Variants in NUP107 observed in about 807,000 individuals in gnomAD.
NUP107 encodes nuclear pore complex protein Nup107.
In NUP107, 101 loss-of-function variants were observed where a neutral mutation model predicts 141.0. That is an observed-to-expected ratio of 0.72 (90% CI 0.61 to 0.84). NUP107 has a LOEUF of 0.84. Among genes scored for constraint, NUP107 ranks in the 40% least tolerant of loss-of-function variants. The pLI is 0.00. For synonymous variants in NUP107, 319 were observed against 363.9 expected (o/e 0.88, Z 1.41); for missense variants, 941 against 1,102.7 (o/e 0.85, Z 2.08).
Position 68,722,152 on chromosome 12 carries a change from G to T in NUP107, c.1506G>T (p.Lys502Asn). The stretch of plus-strand genomic sequence containing the variant: ...AGGAACTTCAAGCTACTGACAAAAA[G>T]GTAAATGTTAATAGGAATATGTTAG... ...VFEELQATDK[K>N]RVLEENQEHY... is the part of the protein sequence containing the mutation. Residue 502 changes from lysine to asparagine, a missense_variant and splice_region_variant, in exon 17 of 28, where the codon AAG becomes AAT. Coordinates refer to ENST00000229179, the MANE Select transcript of NUP107 (RefSeq NM_020401.4). The T allele has an allele frequency of 6.2e-7, 1 of 1,612,830 alleles. No individual in the cohort carries two copies. The highest frequency in any genetic ancestry group is 1.1e-5 in the South Asian group (1 of 90,956).
rs202175804 is a variant in NUP107, at chr12:68,689,287, TTTC to T, written c.100+237_100+239del. On this transcript the variant is annotated intron_variant, in intron 2 of 27. Transcript: ENST00000229179. ...GCTGACAGCTTCTGCTGAGATTAGATTTCTTTTTATTATTTGAAAACTGACTAA... is the reference window on the plus strand; with the variant it reads ...GCTGACAGCTTCTGCTGAGATTAGATTTTTTATTATTTGAAAACTGACTAA... Among the ~76,000 whole-genome samples the T allele has an allele frequency of 3.9e-5, 6 of 152,364 alleles. No individual in the cohort carries two copies. In the South Asian group the frequency reaches 1.2e-3, roughly 32 times the overall value.
Position 68,696,976 on chromosome 12 carries a change from A to G in NUP107, c.552+54A>G, listed in dbSNP as rs1036422016. The G allele has an allele frequency of 9.4e-6, 10 of 1,061,818 alleles. No individual in the cohort carries two copies. In the African/African-American group the frequency reaches 1.1e-4, roughly 12 times the overall value. The allele number at this position is 1,061,818 out of a possible 1,614,324, so 65.8% of individuals were successfully genotyped here. A position where few individuals can be genotyped will look rare whatever the true frequency, so the allele number is the denominator to read the frequency against. Reference sequence around the variant, plus strand: ...AAACTTCAGTATTTTTAGTTTTCATAAACAGCATTAACCTAATTTTCATAG... The same window carrying G: ...AAACTTCAGTATTTTTAGTTTTCATGAACAGCATTAACCTAATTTTCATAG... On this transcript the variant is annotated intron_variant, in intron 6 of 27. Coordinates refer to ENST00000229179, the MANE Select transcript of NUP107 (RefSeq NM_020401.4).
At chr12:68,692,169 A>ATGGTTTCCTTC in intron 5 of NUP107, 57 bp downstream of exon 5, 1 of 1,442,932 alleles carries the variant, frequency 6.9e-7, no homozygotes, top group Non-Finnish European at 9.3e-7. Flanking sequence ...AGATGAAGGA[A>ATGGTTTCCTTC]ACCATTTCTT....
intron 17 of NUP107, 24 bp from the exon 18 acceptor site, chr12:68,725,703 G>A (rs1173309770): frequency 8.0e-7 from 1 of 1,244,998 alleles, no homozygotes; most frequent in Non-Finnish European, 1.1e-6. Flanking sequence ...AAGATTTATG[G>A]AAAATTAAAA....
At chr12:68,690,063 C>T (rs1875704170) in intron 3 of NUP107, among the ~76,000 whole-genome samples, 1 of 151,962 alleles carries the variant, frequency 6.6e-6, no homozygotes, top group Admixed American at 6.6e-5. Flanking sequence ...GCCTGTAATC[C>T]CAGCTACTCC....
At chr12:68,701,526 AC>A (rs1285298700) in intron 7 of NUP107, among the ~76,000 whole-genome samples, 2 of 151,962 alleles carry the variant, frequency 1.3e-5, no homozygotes, top group African/African-American at 4.8e-5. Flanking sequence ...TACTAAAAAT[AC>A]AAAAATTAGC....
At chr12:68,716,066 T>G (rs1260864421) in intron 12 of NUP107, among the ~76,000 whole-genome samples, 2 of 147,198 alleles carry the variant, frequency 1.4e-5, no homozygotes, top group African/African-American at 2.5e-5. Flanking sequence ...TTTGTTTTTG[T>G]TTTTTTTTTG....
intron 5 of NUP107, among the ~76,000 whole-genome samples, chr12:68,696,009 TAA>T (rs902805156): frequency 2.0e-4 from 28 of 138,470 alleles, no homozygotes; most frequent in Admixed American, 2.2e-4. Context: ...CCCCCTCTCT[TAA>T]AAAAAAAAAA....
chr12:68,706,086 T>G, intron 8 of NUP107: 1 of 776,016 alleles, frequency 1.3e-6, no homozygotes, highest in Non-Finnish European at 2.3e-6. Context: ...TGCTGGCAGC[T>G]GTACACTCTG....
intron 12 of NUP107, among the ~76,000 whole-genome samples, chr12:68,718,763 T>G (rs1251928754): frequency 6.6e-6 from 1 of 151,824 alleles, no homozygotes; most frequent in African/African-American, 2.4e-5. Context: ...AGACTCTGTC[T>G]CTACAAAAAA....
chr12:68,698,868 A>G (rs575205074), intron 6 of NUP107, among the ~76,000 whole-genome samples: 1 of 152,324 alleles, frequency 6.6e-6, no homozygotes, highest in East Asian at 1.9e-4. Context: ...ACATGTCAGT[A>G]TACATTTATC....
chr12:68,713,695 C>G, intron 10 of NUP107, 35 bp from the exon 11 acceptor site: 1 of 1,428,766 alleles, frequency 7.0e-7, no homozygotes, highest in Non-Finnish European at 9.7e-7. Context: ...TTAAAATTAC[C>G]TCTTAAAAAA....
intron 9 of NUP107, 36 bp downstream of exon 9, chr12:68,709,345 A>G (rs1011410666): frequency 1.5e-6 from 2 of 1,296,014 alleles, no homozygotes; most frequent in African/African-American, 1.5e-5. Context: ...TTTATGAAAC[A>G]TGGAGAAAAG....
At chr12:68,701,628 G>A (rs569007041) in intron 7 of NUP107, among the ~76,000 whole-genome samples, 17 of 151,844 alleles carry the variant, frequency 1.1e-4, no homozygotes, top group African/African-American at 3.9e-4. Flanking sequence ...GTTGCGAGCC[G>A]AGATTGTGCT....
intron 10 of NUP107, among the ~76,000 whole-genome samples, chr12:68,712,880 C>G (rs1206209798): frequency 6.6e-6 from 1 of 151,928 alleles, no homozygotes; most frequent in Non-Finnish European, 1.5e-5. Flanking sequence ...TGATGGCTCC[C>G]TCACTCCATA....
At chr12:68,713,831 G>C (rs1876985421) in intron 11 of NUP107, 23 bp downstream of exon 11, 1 of 1,566,080 alleles carries the variant, frequency 6.4e-7, no homozygotes, top group African/African-American at 1.4e-5. Flanking sequence ...TGAAATGAAA[G>C]TTGCCTTCAA....
chr12:68,725,589 T>G, intron 17 of NUP107, 138 bp from the exon 18 acceptor site: 1 of 528,722 alleles, frequency 1.9e-6, no homozygotes, highest in Non-Finnish European at 3.3e-6. Context: ...TTTGTTTTGA[T>G]CTTTCTAAGG....
At chr12:68,692,956 G>A (rs1298238542) in intron 5 of NUP107, among the ~76,000 whole-genome samples, 1 of 151,876 alleles carries the variant, frequency 6.6e-6, no homozygotes, top group African/African-American at 2.4e-5. Context: ...TGCCATGTTG[G>A]CCAGGCTTGT....
chr12:68,731,737 G>T lies in NUP107; in HGVS notation c.1998+18G>T, dbSNP rs1214471794. The T allele has an allele frequency of 7.7e-7, 1 of 1,299,740 alleles. No individual in the cohort carries two copies. Among genetic ancestry groups the T allele is most frequent in the South Asian group, 1.4e-5 (1 of 73,290 alleles). The allele number at this position is 1,299,740 out of a possible 1,614,324, so 80.5% of individuals were successfully genotyped here. A position where few individuals can be genotyped will look rare whatever the true frequency, so the allele number is the denominator to read the frequency against. On this transcript the variant is annotated intron_variant, in intron 22 of 27. Transcript: ENST00000229179. Reference sequence around the variant, plus strand: ...CTACTGAGGTAATTTGGGATGGGGGGGCAGAGGTTTCTATAACTTCTAATA... The same window carrying T: ...CTACTGAGGTAATTTGGGATGGGGGTGCAGAGGTTTCTATAACTTCTAATA...
Sources: allele counts gnomAD v4.1 joint callset (sites outside exome capture counted in the v4.1 genomes callset), GRCh38; gene constraint gnomAD v4.1.1; transcripts MANE v1.5; gene names NCBI Gene and HGNC (gene_info 2026-07-23, HGNC 2026-07-21).